Variants in DOCK7 observed in about 807,000 individuals in gnomAD.
DOCK7 encodes the protein dedicator of cytokinesis protein 7.
A neutral mutation model predicts 271.0 loss-of-function variants in DOCK7; 138 were observed. That is an observed-to-expected ratio of 0.51 (90% CI 0.44 to 0.59). The LOEUF (loss-of-function observed/expected upper bound fraction) is 0.59, where lower values mean the gene tolerates loss of function less well. DOCK7 is among the 20% of genes least tolerant of loss of function. The pLI, the probability that DOCK7 is intolerant of heterozygous loss-of-function variation, is 0.00. For missense variants in DOCK7, 2,066 were observed against 2,592.4 expected, an observed-to-expected ratio of 0.80 and a Z score of 4.41; for synonymous variants, 823 against 876.1, an observed-to-expected ratio of 0.94 and a Z score of 1.07.
chr1:62,604,916 G>C, intron 14 of DOCK7: 1 of 1,291,908 alleles, frequency 7.7e-7, no homozygotes, highest in Non-Finnish European at 1.1e-6. Flanking sequence ...GAAAGCTTGA[G>C]AAATAGATTT....
intron 14 of DOCK7, among the ~76,000 whole-genome samples, chr1:62,589,472 T>A (rs1261566685): frequency 6.6e-6 from 1 of 151,938 alleles, no homozygotes; most frequent in East Asian, 1.9e-4. Flanking sequence ...AGACTCTTAT[T>A]TTTTTTTCCC....
chr1:62,663,063 T>A lies in DOCK7; in HGVS notation c.106A>T (p.Asn36Tyr), dbSNP rs1229014552. The A allele has an allele frequency of 8.1e-6, 13 of 1,613,870 alleles. No individual in the cohort carries two copies. Among genetic ancestry groups the A allele is most frequent in the African/African-American group, 1.3e-5 (1 of 74,894 alleles). Residue 36 changes from asparagine to tyrosine, a missense_variant, in exon 2 of 50, where the codon AAC becomes TAC. Physicochemically the swap from Asn to Tyr is moderately radical, Grantham distance 143 (BLOSUM62 -2). Coordinates refer to ENST00000635253, the MANE Select transcript of DOCK7 (RefSeq NM_001367561.1). ...GATATATTGCCAACAATATTAAGGT[T>A]TTTGAGCAGTTGGGGAGAACCACTA... is the stretch of plus-strand genomic sequence containing the variant. The part of the protein sequence containing the change: ...QYSGSPQLLK[N>Y]LNIVGNISHH...
At chr1:62,600,842 G>C (rs567906419) in intron 14 of DOCK7, among the ~76,000 whole-genome samples, 1 of 151,602 alleles carries the variant, frequency 6.6e-6, no homozygotes, top group Admixed American at 6.6e-5. Context: ...TCTGTTTTCC[G>C]ACCAATGTCT....
intron 1 of DOCK7, among the ~76,000 whole-genome samples, chr1:62,664,609 A>G (rs1026139288): frequency 2.0e-5 from 3 of 152,224 alleles, no homozygotes; most frequent in African/African-American, 7.2e-5. Context: ...CTTTTAGTTA[A>G]TAACAATGTA....
chr1:62,637,345 G>A (rs1288136222), intron 7 of DOCK7, among the ~76,000 whole-genome samples: 1 of 152,058 alleles, frequency 6.6e-6, no homozygotes, highest in Non-Finnish European at 1.5e-5. Context: ...AATATTTGTT[G>A]AATGAAATAA....
chr1:62,641,173 C>G, intron 7 of DOCK7: 1 of 347,498 alleles, frequency 2.9e-6, no homozygotes, highest in South Asian at 2.4e-5. Flanking sequence ...GTTTTCTTCT[C>G]CATGTTCTTT....
intron 1 of DOCK7, among the ~76,000 whole-genome samples, chr1:62,677,954 C>A (rs1340445743): frequency 2.0e-5 from 3 of 151,796 alleles, no homozygotes; most frequent in Non-Finnish European, 2.9e-5. Flanking sequence ...ATAGCAAGAC[C>A]CCACCTCTAA....
intron 18 of DOCK7, among the ~76,000 whole-genome samples, chr1:62,575,739 CTATAT>C (rs1320550903): frequency 1.3e-5 from 2 of 152,136 alleles, no homozygotes; most frequent in African/African-American, 2.4e-5. Context: ...TATCAAGCAG[CTATAT>C]TATATGTCTA....
intron 2 of DOCK7, among the ~76,000 whole-genome samples, chr1:62,660,961 T>C (rs1015372497): frequency 1.3e-5 from 2 of 152,090 alleles, no homozygotes; most frequent in African/African-American, 4.8e-5. Flanking sequence ...TAGCCAGGCA[T>C]GATGGCATGC....
intron 11 of DOCK7, 57 bp downstream of exon 11, chr1:62,631,183 T>A: frequency 6.8e-7 from 1 of 1,465,364 alleles, no homozygotes; most frequent in Non-Finnish European, 9.2e-7. Flanking sequence ...AAACTCCATC[T>A]CAAAAAAAAA....
At chr1:62,553,565 G>C (rs193092585) in intron 21 of DOCK7, among the ~76,000 whole-genome samples, 164 of 147,486 alleles carry the variant, frequency 1.1e-3, no homozygotes, top group Non-Finnish European at 2.1e-3. Flanking sequence ...GTAGAGACGG[G>C]GTCTTGCTAT....
chr1:62,575,633 T>TG (rs1365336394), intron 18 of DOCK7, among the ~76,000 whole-genome samples: 1 of 152,206 alleles, frequency 6.6e-6, no homozygotes, highest in Non-Finnish European at 1.5e-5. Context: ...TTCAAGTGCA[T>TG]GCTAGGGAGG....
rs1373178711 is a variant in DOCK7 at position 62,535,642 on chromosome 1, A to G, written c.3472-10T>C. The G allele has an allele frequency of 7.4e-6, 12 of 1,611,900 alleles. 1 individual carries two copies. Among genetic ancestry groups the G allele is most frequent in the South Asian group, 2.2e-5 (2 of 90,642 alleles). ...TAGAAAATCCAGAACTCTGTTGGAAAGTGAGGCAGAACAAGACTATAACAG... is the reference window on the plus strand; with the variant it reads ...TAGAAAATCCAGAACTCTGTTGGAAGGTGAGGCAGAACAAGACTATAACAG... On this transcript the variant is annotated splice_polypyrimidine_tract_variant and intron_variant, in intron 28 of 49. Transcript: ENST00000635253.
intron 14 of DOCK7, among the ~76,000 whole-genome samples, chr1:62,593,172 T>C (rs1350674990): frequency 6.6e-6 from 1 of 152,226 alleles, no homozygotes; most frequent in Non-Finnish European, 1.5e-5. Flanking sequence ...TGTTTAGTCA[T>C]TCAAAGGGTC....
chr1:62,641,494 G>T, intron 7 of DOCK7: 2 of 443,660 alleles, frequency 4.5e-6, no homozygotes, highest in Non-Finnish European at 4.5e-6. Context: ...AAAAGAGGTG[G>T]CTGGGGGCTT....
chr1:62,470,977 C>A (rs1308763496), intron 48 of DOCK7, among the ~76,000 whole-genome samples: 3 of 152,134 alleles, frequency 2.0e-5, no homozygotes, highest in Non-Finnish European at 2.9e-5. Context: ...CAAGATCAAC[C>A]CCACTTCTTT....
intron 22 of DOCK7, among the ~76,000 whole-genome samples, chr1:62,549,465 G>T (rs909451309): frequency 1.3e-5 from 2 of 152,128 alleles, no homozygotes; most frequent in Non-Finnish European, 2.9e-5. Context: ...AAGTAAGGTA[G>T]CAGTTGAAAT....
intron 48 of DOCK7, among the ~76,000 whole-genome samples, chr1:62,461,842 C>T (rs1479461320): frequency 6.6e-6 from 1 of 150,864 alleles, no homozygotes; most frequent in South Asian, 2.1e-4. Flanking sequence ...GAGGCAGAGG[C>T]GGGCGGATCA....
Position 62,552,891 on chromosome 1 carries a change from AC to A in DOCK7, c.2606del (p.Gly869ValfsTer16). ...TGGCATAATGCACTGATCCTCCCAA[AC>A]CCCCAGGACCTAGAGTTGTATATGA... ...YPNSSSPGPG[G>X]LGGSVHYATM... On this transcript the variant is annotated frameshift_variant, in exon 22 of 50. Coordinates refer to ENST00000635253, the MANE Select transcript of DOCK7 (RefSeq NM_001367561.1). LOFTEE classifies it high-confidence loss of function. The A allele has an allele frequency of 6.2e-7, 1 of 1,604,344 alleles. No homozygotes were observed. Among genetic ancestry groups the A allele is most frequent in the South Asian group, 1.1e-5 (1 of 88,998 alleles).
Sources: allele counts gnomAD v4.1 joint callset (sites outside exome capture counted in the v4.1 genomes callset), GRCh38; gene constraint gnomAD v4.1.1; transcripts MANE v1.5; gene names NCBI Gene and HGNC (gene_info 2026-07-23, HGNC 2026-07-21).